Variants in AUTS2 observed in about 807,000 individuals in gnomAD.
AUTS2 encodes the protein activator of transcription and developmental regulator AUTS2.
In AUTS2, 17 loss-of-function variants were observed where a neutral mutation model predicts 112.4. The observed-to-expected ratio is 0.15, with a 90% CI of 0.10 to 0.23. The LOEUF (loss-of-function observed/expected upper bound fraction) is 0.23. Among genes scored for constraint, AUTS2 ranks in the 10% least tolerant of loss-of-function variants. The pLI, the probability that AUTS2 is intolerant of heterozygous loss-of-function variation, is 1.00. For missense variants in AUTS2, 1,510 were observed against 1,701.6 expected (o/e 0.89, Z 1.98); for synonymous variants, 751 against 702.7 (o/e 1.07, Z -1.09).
intron 1 of AUTS2, among the ~76,000 whole-genome samples, chr7:69,733,687 C>A (rs1562845437): frequency 6.6e-6 from 1 of 152,066 alleles, no homozygotes; most frequent in Non-Finnish European, 1.5e-5. Context: ...TAAGGATGTG[C>A]CTCGCATGTA....
At chr7:70,768,113 C>A in intron 10 of AUTS2, 45 bp downstream of exon 10, 1 of 1,548,372 alleles carries the variant, frequency 6.5e-7, no homozygotes, top group Non-Finnish European at 8.7e-7. Flanking sequence ...ACTGCTTTGC[C>A]ATTTTTGTGC....
intron 10 of AUTS2, among the ~76,000 whole-genome samples, chr7:70,769,113 A>G (rs1441070376): frequency 6.6e-6 from 1 of 152,100 alleles, no homozygotes; most frequent in Non-Finnish European, 1.5e-5. Context: ...AATATTAGAA[A>G]TCAATTGAAA....
intron 2 of AUTS2, among the ~76,000 whole-genome samples, chr7:69,994,229 T>C (rs1228576228): frequency 6.6e-6 from 1 of 152,178 alleles, no homozygotes; most frequent in African/African-American, 2.4e-5. Context: ...AGACATTTTT[T>C]CCATCAGCTC....
At chr7:70,327,383 TTATC>T (rs1366408451) in intron 4 of AUTS2, among the ~76,000 whole-genome samples, 2 of 152,190 alleles carry the variant, frequency 1.3e-5, no homozygotes, top group Admixed American at 6.5e-5. Flanking sequence ...AAATGCCTAT[TTATC>T]AGCCTTTGCA....
At chr7:70,681,521 A>AT (rs1468272583) in intron 5 of AUTS2, among the ~76,000 whole-genome samples, 1 of 134,608 alleles carries the variant, frequency 7.4e-6, no homozygotes, top group African/African-American at 2.7e-5. Context: ...ATATATATAT[A>AT]TATATTTTTT....
intron 6 of AUTS2, chr7:70,729,247 C>G (rs1240450605): frequency 2.2e-6 from 1 of 453,742 alleles, no homozygotes; most frequent in Non-Finnish European, 4.4e-6. Flanking sequence ...CAGTGCGGAC[C>G]CCAGTGCTGT....
Position 70,681,184 on chromosome 7 carries a change from G to A in AUTS2, c.691-17385G>A, listed in dbSNP as rs548506296. Among the ~76,000 whole-genome samples, 293 of 152,310 alleles carry A rather than the reference G, an allele frequency of 1.9e-3. 1 individual carries two copies. The highest frequency in any genetic ancestry group is 0.011 in the South Asian group (51 of 4,828). On this transcript the variant is annotated intron_variant, in intron 5 of 18. Transcript: ENST00000342771. Reference sequence around the variant, plus strand: ...CCATCCCATCTCTCACCCGAGTGGCGGATGTTAAGTTGACATCCGTGCCCC... The same window carrying A: ...CCATCCCATCTCTCACCCGAGTGGCAGATGTTAAGTTGACATCCGTGCCCC...
At chr7:70,370,945 G>T (rs570847366) in intron 4 of AUTS2, among the ~76,000 whole-genome samples, 1 of 151,944 alleles carries the variant, frequency 6.6e-6, no homozygotes, top group Non-Finnish European at 1.5e-5. Flanking sequence ...CAAAACTAAG[G>T]CATAAGTGAA....
At chr7:70,567,115 T>TG (rs1435679250) in intron 5 of AUTS2, among the ~76,000 whole-genome samples, 2 of 152,208 alleles carry the variant, frequency 1.3e-5, no homozygotes, top group Non-Finnish European at 2.9e-5. Flanking sequence ...CTTGCCTAAC[T>TG]GGGGGTTTAA....
At chr7:70,377,011 T>A (rs1793117648) in intron 4 of AUTS2, among the ~76,000 whole-genome samples, 1 of 151,856 alleles carries the variant, frequency 6.6e-6, no homozygotes, top group Non-Finnish European at 1.5e-5. Flanking sequence ...ATAATATCAT[T>A]GGCAAATTGT....
chr7:70,473,621 C>T (rs576355844), intron 5 of AUTS2, among the ~76,000 whole-genome samples: 2 of 152,086 alleles, frequency 1.3e-5, no homozygotes, highest in Non-Finnish European at 2.9e-5. Context: ...TCCGTAAGCA[C>T]AGGGCCACAC....
chr7:70,155,928 A>G (rs1807724613), intron 4 of AUTS2, among the ~76,000 whole-genome samples: 1 of 152,170 alleles, frequency 6.6e-6, no homozygotes, highest in South Asian at 2.1e-4. Context: ...AGGAAGTGAT[A>G]CCAGTTTCTG....
At chr7:69,943,105 C>T (rs1219454581) in intron 2 of AUTS2, among the ~76,000 whole-genome samples, 1 of 152,152 alleles carries the variant, frequency 6.6e-6, no homozygotes, top group Non-Finnish European at 1.5e-5. Flanking sequence ...TGTATGTATT[C>T]ACACAGAGCA....
intron 2 of AUTS2, among the ~76,000 whole-genome samples, chr7:70,037,741 C>T (rs992722494): frequency 3.9e-5 from 6 of 152,092 alleles, no homozygotes; most frequent in African/African-American, 1.4e-4. Flanking sequence ...GTACCCTGCT[C>T]TGCCACTTCC....
At chr7:70,003,125 A>G (rs1799275243) in intron 2 of AUTS2, among the ~76,000 whole-genome samples, 1 of 142,920 alleles carries the variant, frequency 7.0e-6, no homozygotes. Flanking sequence ...GTTCATTCAT[A>G]TATATGAATA....
At chr7:70,573,503 C>T (rs1022875132) in intron 5 of AUTS2, among the ~76,000 whole-genome samples, 1 of 152,174 alleles carries the variant, frequency 6.6e-6, no homozygotes, top group Non-Finnish European at 1.5e-5. Context: ...AAAATGAGGG[C>T]TTTGCTAAGA....
chr7:69,942,776 A>G (rs1796674772), intron 2 of AUTS2, among the ~76,000 whole-genome samples: 1 of 152,228 alleles, frequency 6.6e-6, no homozygotes, highest in Non-Finnish European at 1.5e-5. Flanking sequence ...GACAGGAGTC[A>G]CAACAAAACT....
chr7:69,926,102 C>G (rs1453084606), intron 2 of AUTS2, among the ~76,000 whole-genome samples: 1 of 152,062 alleles, frequency 6.6e-6, no homozygotes, highest in Non-Finnish European at 1.5e-5. Context: ...GTAGATGTTC[C>G]CTGAGCACTT....
intron 4 of AUTS2, among the ~76,000 whole-genome samples, chr7:70,334,390 C>G (rs1790896894): frequency 6.6e-6 from 1 of 152,164 alleles, no homozygotes; most frequent in African/African-American, 2.4e-5. Flanking sequence ...ATAACAGATA[C>G]AGAGAAATGC....
Sources: allele counts gnomAD v4.1 joint callset (sites outside exome capture counted in the v4.1 genomes callset), GRCh38; gene constraint gnomAD v4.1.1; transcripts MANE v1.5; gene names NCBI Gene and HGNC (gene_info 2026-07-23, HGNC 2026-07-21).